The following NRG1 variants were observed in gnomAD, a reference collection of about 807,000 sequenced individuals.
NRG1 encodes the protein pro-neuregulin-1, membrane-bound isoform.
In NRG1, 18 loss-of-function variants were observed where a neutral mutation model predicts 63.8. The observed-to-expected ratio is 0.28, with a 90% CI of 0.19 to 0.42. NRG1 has a LOEUF of 0.42. Among genes scored for constraint, NRG1 ranks in the 10% least tolerant of loss-of-function variants. NRG1 has a pLI of 1.00. For missense variants in NRG1, 762 were observed against 814.7 expected (o/e 0.94, Z 0.79); for synonymous variants, 302 against 301.3 (o/e 1.00, Z -0.02).
At chr8:32,162,655 G>C (rs1022286925) in intron 1 of NRG1, among the ~76,000 whole-genome samples, 1 of 152,000 alleles carries the variant, frequency 6.6e-6, no homozygotes, top group Non-Finnish European at 1.5e-5. Context: ...AGCAAAACTT[G>C]AGTTATGATG....
At chr8:32,715,642 T>C (rs1274729175) in intron 5 of NRG1, among the ~76,000 whole-genome samples, 32 of 1,176 alleles carry the variant, frequency 0.027, 1 homozygote, top group Non-Finnish European at 0.056. Context: ...AATCAGGCCC[T>C]TTTTTTTTTT....
At chr8:32,199,865 C>T (rs1039666170) in intron 1 of NRG1, among the ~76,000 whole-genome samples, 3 of 152,062 alleles carry the variant, frequency 2.0e-5, no homozygotes, top group Non-Finnish European at 4.4e-5. Flanking sequence ...CTGCAACCTC[C>T]GCCTCCTGGG....
intron 5 of NRG1, among the ~76,000 whole-genome samples, chr8:32,620,521 GAAAAA>G (rs57462564): frequency 8.2e-6 from 1 of 122,206 alleles, no homozygotes; most frequent in Non-Finnish European, 1.7e-5. Flanking sequence ...TGGATTAGAA[GAAAAA>G]AAAAAAAAAA....
intron 1 of NRG1, among the ~76,000 whole-genome samples, chr8:32,365,428 C>T (rs933909538): frequency 2.0e-5 from 3 of 152,000 alleles, no homozygotes; most frequent in African/African-American, 7.2e-5. Context: ...TCTCCTTTCA[C>T]ATATGGCCTC....
intron 1 of NRG1, among the ~76,000 whole-genome samples, chr8:32,428,342 C>CTT (rs11415830): frequency 0.031 from 4,528 of 146,884 alleles, 135 homozygotes; most frequent in African/African-American, 0.073. Flanking sequence ...TGAGTGAATT[C>CTT]TTTTTTTTTT....
At chr8:32,693,214 CT>C (rs34318329) in intron 5 of NRG1, among the ~76,000 whole-genome samples, 9,759 of 138,466 alleles carry the variant, frequency 0.07, 229 homozygotes, top group African/African-American at 0.088. Context: ...ATGGGTCACT[CT>C]TTTTTTTTTT....
chr8:31,657,865 T>C (rs963134193), intron 1 of NRG1, among the ~76,000 whole-genome samples: 1 of 152,214 alleles, frequency 6.6e-6, no homozygotes, highest in Admixed American at 6.5e-5. Context: ...TCATCTGATC[T>C]GCTGTGTAGA....
At chr8:32,771,628 AC>A (rs1239203802), downstream of NRG1, among the ~76,000 whole-genome samples, 14 of 149,464 alleles carry the variant, frequency 9.4e-5, 1 homozygote, top group African/African-American at 3.4e-4. Flanking sequence ...AGAAGAATGA[AC>A]AAAAATGATC....
At chr8:32,520,716 T>C (rs1830259451) in intron 1 of NRG1, among the ~76,000 whole-genome samples, 1 of 152,362 alleles carries the variant, frequency 6.6e-6, no homozygotes, top group Non-Finnish European at 1.5e-5. Context: ...GCAGTTTCAG[T>C]TATCTGCAAT....
At chr8:32,018,637 A>G (rs1379818477) in intron 1 of NRG1, among the ~76,000 whole-genome samples, 1 of 152,200 alleles carries the variant, frequency 6.6e-6, no homozygotes, top group Non-Finnish European at 1.5e-5. Flanking sequence ...CACTAAATGT[A>G]TGAAATGTAT....
intron 1 of NRG1, among the ~76,000 whole-genome samples, chr8:32,483,469 C>T (rs368989638): frequency 3.7e-4 from 57 of 152,286 alleles, no homozygotes; most frequent in African/African-American, 1.2e-3. Context: ...CATTTAGTTG[C>T]CTCTTGTTCA....
chr8:32,763,982 C>T, exon 12 of NRG1: 1 of 1,614,110 alleles, frequency 6.2e-7, no homozygotes, highest in Non-Finnish European at 8.5e-7. Flanking sequence ...TCAGCTCCTT[C>T]CACCACAACC....
chr8:32,057,191 A>C (rs965518706), intron 1 of NRG1, among the ~76,000 whole-genome samples: 24 of 152,298 alleles, frequency 1.6e-4, no homozygotes, highest in African/African-American at 5.5e-4. Flanking sequence ...AGCACTTCTA[A>C]TTCGTGTGAA....
chr8:32,575,329 C>T (rs1839416746), intron 1 of NRG1, among the ~76,000 whole-genome samples: 1 of 151,818 alleles, frequency 6.6e-6, no homozygotes, highest in Admixed American at 6.6e-5. Context: ...TCTTTCTCTT[C>T]TTTCCTACTT....
chr8:32,604,872 A>G (rs1023190769), intron 2 of NRG1, among the ~76,000 whole-genome samples: 1 of 99,940 alleles, frequency 1.0e-5, no homozygotes, highest in Non-Finnish European at 2.1e-5. Flanking sequence ...AATGCTGCCC[A>G]TGTTAAAAAA....
intron 5 of NRG1, among the ~76,000 whole-genome samples, chr8:32,667,568 A>G (rs940386021): frequency 2.0e-5 from 3 of 152,188 alleles, no homozygotes; most frequent in African/African-American, 4.8e-5. Flanking sequence ...TTTTCTTATT[A>G]TATATTAAAA....
At chr8:32,744,766 ATAATTATGTAGTTAGATCTGACAGTAG>A (rs1827120639) in intron 7 of NRG1, among the ~76,000 whole-genome samples, 1 of 152,158 alleles carries the variant, frequency 6.6e-6, no homozygotes, top group Non-Finnish European at 1.5e-5. Context: ...ATTTCCCAGC[ATAATTATGTAGTTAGATCTGACAGTAG>A]TAACCAGAGA....
chr8:31,890,525 A>G (rs1011199255), intron 1 of NRG1, among the ~76,000 whole-genome samples: 1 of 152,206 alleles, frequency 6.6e-6, no homozygotes, highest in Non-Finnish European at 1.5e-5. Flanking sequence ...AACCAGAGGG[A>G]AAAAGCACAA....
chr8:32,337,680 A>AAAAAAAAAAAAAAAAAAAC (rs1803480117), intron 1 of NRG1, among the ~76,000 whole-genome samples: 1 of 113,250 alleles, frequency 8.8e-6, no homozygotes, highest in Non-Finnish European at 1.9e-5. Context: ...AAAAAAAAAA[A>AAAAAAAAAAAAAAAAAAAC]AAGCTGATGC....
Sources: gnomAD v4.1 joint callset for allele counts (sites outside exome capture counted in the v4.1 genomes callset) on GRCh38, gnomAD v4.1.1 for gene constraint, MANE v1.5 for transcripts, NCBI Gene and HGNC (gene_info 2026-07-23, HGNC 2026-07-21) for gene names.